ANKRD6: variants seen among roughly 807,000 people sequenced by gnomAD.
The protein encoded by ANKRD6 is ankyrin repeat domain-containing protein 6.
ANKRD6 carries 56 observed loss-of-function variants against 82.3 expected under a neutral mutation model. The observed-to-expected ratio is 0.68, with a 90% CI of 0.55 to 0.85. The LOEUF (loss-of-function observed/expected upper bound fraction) is 0.85, where lower values mean the gene tolerates loss of function less well. ANKRD6 is among the 40% of genes least tolerant of loss of function. ANKRD6 has a pLI of 0.00. For missense variants in ANKRD6, 852 were observed against 907.6 expected, an observed-to-expected ratio of 0.94 and a Z score of 0.79; for synonymous variants, 347 against 352.1, an observed-to-expected ratio of 0.99 and a Z score of 0.16.
At chr6:89,451,403 A>G (rs373185403) in intron 1 of ANKRD6, among the ~76,000 whole-genome samples, 7 of 152,296 alleles carry the variant, frequency 4.6e-5, no homozygotes, top group Admixed American at 3.3e-4. Flanking sequence ...TGCATTCTCT[A>G]AAGTTTGCAA....
At chr6:89,545,200 C>G (rs1400280421) in intron 1 of ANKRD6, among the ~76,000 whole-genome samples, 2 of 128,520 alleles carry the variant, frequency 1.6e-5, no homozygotes, top group Admixed American at 8.7e-5. Context: ...GCGACAGAGC[C>G]AGACTCCATC....
intron 1 of ANKRD6, among the ~76,000 whole-genome samples, chr6:89,541,937 T>C (rs1784492943): frequency 6.6e-6 from 1 of 152,054 alleles, no homozygotes; most frequent in Non-Finnish European, 1.5e-5. Context: ...ATTTGCACCT[T>C]CGATAAATAA....
rs117228754 is a variant in ANKRD6, at chr6:89,490,012, A to G, written c.-144+56637A>G. 3.0e-3 allele frequency among the ~76,000 whole-genome samples: 451 copies of G among 152,340 alleles called. 1 individual carries two copies. The highest frequency in any genetic ancestry group is 9.3e-3 in the South Asian group (45 of 4,826). On this transcript the variant is annotated intron_variant, in intron 1 of 15. Coordinates refer to ENST00000339746, the MANE Select transcript of ANKRD6 (RefSeq NM_001242809.2). The stretch of plus-strand genomic sequence containing the variant: ...TGTTTTGTTTAACAAATTTATTCCC[A>G]TGCAGACAACATGACTAATTGTATG...
At chr6:89,470,399 G>A (rs1301057992) in intron 1 of ANKRD6, among the ~76,000 whole-genome samples, 1 of 152,160 alleles carries the variant, frequency 6.6e-6, no homozygotes, top group African/African-American at 2.4e-5. Context: ...TGGGAGGATC[G>A]CTTGAGCCCA....
chr6:89,475,957 A>G, intron 1 of ANKRD6, among the ~76,000 whole-genome samples: 1 of 152,208 alleles, frequency 6.6e-6, no homozygotes, highest in South Asian at 2.1e-4. Context: ...TGGTATGGCT[A>G]TAAGCTGTTT....
At chr6:89,534,124 G>A (rs6901718) in intron 1 of ANKRD6, among the ~76,000 whole-genome samples, 21,797 of 152,128 alleles carry the variant, frequency 0.14, 1,848 homozygotes, top group South Asian at 0.33. Flanking sequence ...TAATAATGCA[G>A]CTAAATTTAG....
intron 1 of ANKRD6, among the ~76,000 whole-genome samples, chr6:89,493,465 G>A (rs575352394): frequency 4.0e-4 from 61 of 151,856 alleles, no homozygotes; most frequent in African/African-American, 1.4e-3. Flanking sequence ...TCTGGAATAC[G>A]GTGGCATGAT....
At position 89,501,522 on chromosome 6, in the gene ANKRD6, A is replaced by G. The variant is rs1253322864; in HGVS notation, c.-143-65312A>G. 3.9e-5 allele frequency among the ~76,000 whole-genome samples: 6 copies of G among 152,348 alleles called. No individual in the cohort carries two copies. In the East Asian group the frequency reaches 9.7e-4, roughly 25 times the overall value. ...CTCAGCAGAGCTCCCAGCCACGAGA[A>G]TGCTAGGCTTATTCACAGCGTGGCT... On this transcript the variant is annotated intron_variant, in intron 1 of 15. Transcript: ENST00000339746.
rs548906817 is a variant in ANKRD6 at position 89,530,392 on chromosome 6, TA to T, written c.-143-36428del. Among the ~76,000 whole-genome samples the T allele has an allele frequency of 5.0e-3, 711 of 142,932 alleles. 4 individuals are homozygous for T. Among genetic ancestry groups the T allele is most frequent in the Middle Eastern group, 0.014 (4 of 280 alleles). The allele number at this position is 142,932 out of a possible 152,430, so 93.8% of individuals were successfully genotyped here. On this transcript the variant is annotated intron_variant, in intron 1 of 15. Coordinates refer to ENST00000339746, the MANE Select transcript of ANKRD6 (RefSeq NM_001242809.2). ...GGTTGCCACAAACCTTCAATTTGTT[TA>T]AAAAAAAAAAAAAGTGAAGCACAAC...
chr6:89,561,950 T>C (rs1263799184), intron 1 of ANKRD6, among the ~76,000 whole-genome samples: 1 of 152,160 alleles, frequency 6.6e-6, no homozygotes, highest in Non-Finnish European at 1.5e-5. Context: ...AGGGCAATGC[T>C]TTAGGACGGC....
chr6:89,587,673 C>T (rs1409453076), intron 2 of ANKRD6, among the ~76,000 whole-genome samples: 1 of 152,192 alleles, frequency 6.6e-6, no homozygotes, highest in African/African-American at 2.4e-5. Flanking sequence ...AGGAATTACC[C>T]TCTGCCCCCA....
chr6:89,533,639 C>T (rs141286561), intron 1 of ANKRD6, among the ~76,000 whole-genome samples: 28 of 152,296 alleles, frequency 1.8e-4, no homozygotes, highest in African/African-American at 6.5e-4. Context: ...GAATGCTGCT[C>T]TCTGCTTACT....
chr6:89,440,877 C>T (rs2127935671), intron 1 of ANKRD6, among the ~76,000 whole-genome samples: 1 of 151,970 alleles, frequency 6.6e-6, no homozygotes, highest in African/African-American at 2.4e-5. Context: ...CAGCTTGATG[C>T]CTGTTTCATT....
intron 1 of ANKRD6, among the ~76,000 whole-genome samples, chr6:89,463,791 T>C (rs149588755): frequency 2.0e-5 from 3 of 152,258 alleles, no homozygotes; most frequent in African/African-American, 7.2e-5. Flanking sequence ...CCTCAGGTGA[T>C]CTGCCCGCCT....
chr6:89,521,540 A>C (rs1204305430), intron 1 of ANKRD6, among the ~76,000 whole-genome samples: 1 of 152,210 alleles, frequency 6.6e-6, no homozygotes, highest in Non-Finnish European at 1.5e-5. Flanking sequence ...TGGGAGCAAC[A>C]TAATCAGATT....
chr6:89,608,832 T>C (rs1025111652), intron 5 of ANKRD6, among the ~76,000 whole-genome samples: 1 of 152,216 alleles, frequency 6.6e-6, no homozygotes, highest in African/African-American at 2.4e-5. Flanking sequence ...TCAAGCAGAT[T>C]GGCAGGCTCA....
At chr6:89,506,184 G>T (rs1324863177) in intron 1 of ANKRD6, among the ~76,000 whole-genome samples, 1 of 152,156 alleles carries the variant, frequency 6.6e-6, no homozygotes, top group African/African-American at 2.4e-5. Context: ...AAATTGCAAG[G>T]AGAGTAGATC....
chr6:89,436,722 A>G (rs1770681430), intron 1 of ANKRD6, among the ~76,000 whole-genome samples: 1 of 152,228 alleles, frequency 6.6e-6, no homozygotes, highest in Non-Finnish European at 1.5e-5. Context: ...GACTAATATT[A>G]TTTCAAAATA....
chr6:89,632,461 C>T lies in ANKRD6; in HGVS notation c.*1457C>T, dbSNP rs916893224. Reference sequence around the variant, plus strand: ...TGAGACAGGGTCTTGCTCTGTCACCCAGACTGGAGTGCAGTGGCATGATCA... The same window carrying T: ...TGAGACAGGGTCTTGCTCTGTCACCTAGACTGGAGTGCAGTGGCATGATCA... On this transcript the variant is annotated 3_prime_UTR_variant, in exon 16 of 16. Coordinates refer to ENST00000339746, the MANE Select transcript of ANKRD6 (RefSeq NM_001242809.2). The T allele has an allele frequency of 6.6e-6, 1 of 152,102 alleles. No individual in the cohort carries two copies. The highest frequency in any genetic ancestry group is 2.4e-5 in the African/African-American group (1 of 41,392). 9.4% of individuals were successfully genotyped at this position (152,102 alleles called of 1,614,324 possible).
Sources: gnomAD v4.1 joint callset for allele counts (sites outside exome capture counted in the v4.1 genomes callset) on GRCh38, gnomAD v4.1.1 for gene constraint, MANE v1.5 for transcripts, NCBI Gene and HGNC (gene_info 2026-07-23, HGNC 2026-07-21) for gene names.